SSBP2: variants seen among roughly 807,000 people sequenced by gnomAD.
SSBP2 encodes single stranded DNA binding protein 2.
A neutral mutation model predicts 61.8 loss-of-function variants in SSBP2; 17 were observed. The ratio of observed to expected loss-of-function variants is 0.28; its 90% CI spans 0.19 to 0.41. SSBP2 has a LOEUF of 0.41. Ranked by LOEUF, SSBP2 falls within the 10% of genes least tolerant of loss-of-function variation. SSBP2 has a pLI of 1.00. For synonymous variants in SSBP2, 139 were observed against 141.3 expected, an observed-to-expected ratio of 0.98 and a Z score of 0.12; for missense variants, 310 against 458.7, an observed-to-expected ratio of 0.68 and a Z score of 2.96.
At position 81,488,553 on chromosome 5, in the gene SSBP2, C is replaced by T. The variant is rs181782716; in HGVS notation, c.432+697G>A. Among the ~76,000 whole-genome samples the T allele has an allele frequency of 1.2e-4, 18 of 152,098 alleles. No individual in the cohort carries two copies. In the East Asian group the frequency reaches 3.5e-3, roughly 29 times the overall value. ...GGAAAACACCAATTCAGGTCCTTTG[C>T]TATTTTTTTTATATTATACTTTAAG... On this transcript the variant is annotated intron_variant, in intron 6 of 16. Transcript: ENST00000320672.
intron 4 of SSBP2, among the ~76,000 whole-genome samples, chr5:81,584,109 A>G (rs1007323261): frequency 1.3e-5 from 2 of 152,206 alleles, no homozygotes; most frequent in African/African-American, 2.4e-5. Flanking sequence ...ACAATAAATT[A>G]GCCAGTTATA....
chr5:81,568,329 G>A (rs767119270), intron 4 of SSBP2, among the ~76,000 whole-genome samples: 87 of 152,078 alleles, frequency 5.7e-4, no homozygotes, highest in African/African-American at 1.8e-3. Flanking sequence ...AGGTGTTTCC[G>A]GTTTTGCATT....
At position 81,413,615 on chromosome 5, in the gene SSBP2, CTGAAACAGCAGCA is replaced by C. The variant is rs1761211482; in HGVS notation, c.*6876_*6888del. 4 of 152,204 alleles carry C rather than the reference CTGAAACAGCAGCA, an allele frequency of 2.6e-5. No homozygotes were observed. The South Asian group carries it at 8.3e-4, about 32-fold the overall frequency. 9.4% of individuals were successfully genotyped at this position (152,204 alleles called of 1,614,324 possible). On this transcript the variant is annotated 3_prime_UTR_variant, in exon 17 of 17. Coordinates refer to ENST00000320672, the MANE Select transcript of SSBP2 (RefSeq NM_012446.5). ...TATAAAGACTTTACCATTTTTTATG[CTGAAACAGCAGCA>C]TGTCCTTTAAATTATTCATTCTAAC...
intron 5 of SSBP2, among the ~76,000 whole-genome samples, chr5:81,492,571 T>C (rs1766938818): frequency 6.6e-6 from 1 of 151,030 alleles, no homozygotes. Context: ...TTACTCTTTA[T>C]GTTTGGGGCA....
intron 5 of SSBP2, among the ~76,000 whole-genome samples, chr5:81,507,391 TCAGTTTTCA>T (rs1285880717): frequency 2.0e-5 from 3 of 152,126 alleles, no homozygotes; most frequent in Non-Finnish European, 1.5e-5. Context: ...CAACATATTA[TCAGTTTTCA>T]ACAGTTTCAT....
intron 1 of SSBP2, among the ~76,000 whole-genome samples, chr5:81,658,139 C>A (rs1750384576): frequency 6.6e-6 from 1 of 152,130 alleles, no homozygotes; most frequent in Non-Finnish European, 1.5e-5. Context: ...CACCACATTA[C>A]CACATTGTAC....
chr5:81,600,421 C>T (rs1452108996), intron 4 of SSBP2, among the ~76,000 whole-genome samples: 3 of 151,558 alleles, frequency 2.0e-5, no homozygotes, highest in African/African-American at 7.3e-5. Context: ...ATTAGCTGGG[C>T]GTGGTGGTGC....
Position 81,689,186 on chromosome 5 carries a change from GAA to G in SSBP2, c.63-38849_63-38848del, listed in dbSNP as rs1446523086. 7.3e-5 allele frequency among the ~76,000 whole-genome samples: 11 copies of G among 151,144 alleles called. No homozygotes were observed. The South Asian group carries it at 8.3e-4, about 11-fold the overall frequency. ...TATTTGACAGTATACAGTCAGAGGA[GAA>G]AAAAAGAAAAAAGAATAAAGTATGC... On this transcript the variant is annotated intron_variant, in intron 1 of 16. Transcript: ENST00000320672.
chr5:81,585,543 T>TTG (rs1386620053), intron 4 of SSBP2, among the ~76,000 whole-genome samples: 104 of 150,700 alleles, frequency 6.9e-4, no homozygotes, highest in Middle Eastern at 3.4e-3. Context: ...TTGACAAAAA[T>TTG]TGTGTGTGTG....
chr5:81,585,061 T>C (rs1774959218), intron 4 of SSBP2, among the ~76,000 whole-genome samples: 1 of 152,082 alleles, frequency 6.6e-6, no homozygotes, highest in East Asian at 1.9e-4. Context: ...CTATAAATAG[T>C]TCTAGAATCC....
chr5:81,589,246 T>G lies in SSBP2; in HGVS notation c.282+26227A>C, dbSNP rs146296789. Among the ~76,000 whole-genome samples the G allele has an allele frequency of 6.6e-3, 1,004 of 152,290 alleles. 14 individuals carry two copies. Among genetic ancestry groups the G allele is most frequent in the African/African-American group, 0.023 (964 of 41,538 alleles). On this transcript the variant is annotated intron_variant, in intron 4 of 16. Transcript: ENST00000320672. ...AAGAGCTTTAAGGTTAAAAGACATATTTTGAGATATGACAGTTCTGACTAC... is the reference window on the plus strand; with the variant it reads ...AAGAGCTTTAAGGTTAAAAGACATAGTTTGAGATATGACAGTTCTGACTAC...
At chr5:81,422,327 G>A (rs769459796) in intron 16 of SSBP2, among the ~76,000 whole-genome samples, 7 of 152,126 alleles carry the variant, frequency 4.6e-5, no homozygotes, top group Non-Finnish European at 8.8e-5. Context: ...ATTATAGTGT[G>A]AAAGCAGGAC....
intron 4 of SSBP2, among the ~76,000 whole-genome samples, chr5:81,553,412 C>T (rs1772356575): frequency 1.3e-5 from 2 of 152,146 alleles, no homozygotes; most frequent in South Asian, 4.1e-4. Flanking sequence ...CACCTCTCCA[C>T]ACACTACATA....
chr5:81,577,662 A>G (rs189734545), intron 4 of SSBP2, among the ~76,000 whole-genome samples: 51 of 152,160 alleles, frequency 3.4e-4, no homozygotes, highest in Admixed American at 3.3e-3. Context: ...TTGTCCTGAA[A>G]ATCAATAAAA....
rs375952734 is a variant in SSBP2 at position 81,636,297 on chromosome 5, G to A, written c.197+260C>T. On this transcript the variant is annotated intron_variant, in intron 3 of 16. Transcript: ENST00000320672. The stretch of plus-strand genomic sequence containing the variant: ...CACCTATTCTACGGTATTTTGTTAT[G>A]GCATCCCAAGCCGTTACAGAATTGT... Among the ~76,000 whole-genome samples the A allele has an allele frequency of 3.5e-4, 54 of 152,168 alleles. No individual in the cohort carries two copies. In the South Asian group the frequency reaches 9.6e-3, roughly 27 times the overall value.
intron 4 of SSBP2, among the ~76,000 whole-genome samples, chr5:81,525,203 CA>C (rs1221934687): frequency 5.3e-5 from 8 of 152,022 alleles, no homozygotes; most frequent in Non-Finnish European, 8.8e-5. Flanking sequence ...CTTTTAGGTT[CA>C]GGGGTACATG....
chr5:81,546,340 T>C (rs937533229), intron 4 of SSBP2, among the ~76,000 whole-genome samples: 50 of 152,316 alleles, frequency 3.3e-4, no homozygotes, highest in Admixed American at 2.2e-3. Flanking sequence ...TGCAAAATGA[T>C]TCCTTTCAGA....
At chr5:81,549,446 G>A (rs1013251431) in intron 4 of SSBP2, among the ~76,000 whole-genome samples, 14 of 152,192 alleles carry the variant, frequency 9.2e-5, no homozygotes, top group African/African-American at 2.9e-4. Context: ...TCCAAATTGC[G>A]TTTCCAGGCC....
In SSBP2 at chr5:81,473,707, C is replaced by G; in HGVS notation, c.563G>C (p.Gly188Ala). The G allele has an allele frequency of 6.2e-7, 1 of 1,613,818 alleles. No homozygotes were observed. The highest frequency in any genetic ancestry group is 2.2e-5 in the East Asian group (1 of 44,870). Reference sequence around the variant, plus strand: ...TATGCACTGATTATTTACCTGTGGTCCTAAGGGCACCATTCCTCTTGGAGG... The same window carrying G: ...TATGCACTGATTATTTACCTGTGGTGCTAAGGGCACCATTCCTCTTGGAGG... The change falls in exon 8 of 17, where the codon GGA becomes GCA. Residue 188 changes from glycine (G) to alanine (A), a missense_variant. Gly to Ala is a moderately conservative substitution (Grantham distance 60). This residue lies in a region of SSBP2 where 209 missense variants were observed against 286.4 expected (regional missense o/e 0.73). Transcript: ENST00000320672.
Sources: allele counts gnomAD v4.1 joint callset (sites outside exome capture counted in the v4.1 genomes callset), GRCh38; gene constraint gnomAD v4.1.1; regional missense constraint gnomAD v4.1.1; transcripts MANE v1.5; gene names NCBI Gene and HGNC (gene_info 2026-07-23, HGNC 2026-07-21).